SNX29: variants seen among roughly 807,000 people sequenced by gnomAD.
The protein encoded by SNX29 is sorting nexin 29.
SNX29 carries 78 observed loss-of-function variants against 102.1 expected under a neutral mutation model. The ratio of observed to expected loss-of-function variants is 0.76; its 90% CI spans 0.64 to 0.92. SNX29 has a LOEUF of 0.92. Among genes scored for constraint, SNX29 ranks in the 40% least tolerant of loss-of-function variants. The pLI, the probability that SNX29 is intolerant of heterozygous loss-of-function variation, is 0.00. For synonymous variants in SNX29, 580 were observed against 414.5 expected, an observed-to-expected ratio of 1.40 and a Z score of -4.85; for missense variants, 1,280 against 1,061.7, an observed-to-expected ratio of 1.21 and a Z score of -2.86.
rs560386805 is a variant in SNX29, at chr16:12,117,522, G to GA, written c.1403-9109dup. On this transcript the variant is annotated intron_variant, in intron 11 of 20. Coordinates refer to ENST00000566228, the MANE Select transcript of SNX29 (RefSeq NM_032167.5). ...CAGGCAAAAAGACTCTATTAAAAAA[G>GA]AAGACCACATAAGAGATGATTCCGT... Among the ~76,000 whole-genome samples the GA allele has an allele frequency of 5.2e-3, 795 of 152,314 alleles. 9 individuals are homozygous for GA. The highest frequency in any genetic ancestry group is 0.018 in the African/African-American group (759 of 41,552).
chr16:12,314,202 T>C (rs974431326), intron 15 of SNX29, among the ~76,000 whole-genome samples: 1 of 152,222 alleles, frequency 6.6e-6, no homozygotes, highest in Non-Finnish European at 1.5e-5. Flanking sequence ...TCTTTCTGTG[T>C]TGCCCAGGCT....
rs151051986 is a variant in SNX29 at position 12,562,934 on chromosome 16, G to A, written c.2319-5572G>A. Among the ~76,000 whole-genome samples the A allele has an allele frequency of 2.7e-3, 416 of 152,226 alleles. 1 individual carries two copies. The highest frequency in any genetic ancestry group is 9.5e-3 in the African/African-American group (394 of 41,504). ...GATTCGTCCATGTTGCCAAAAACCT[G>A]CATAGTAAGAAGCAAACATTCACCC... On this transcript the variant is annotated intron_variant, in intron 20 of 20. Transcript: ENST00000566228.
At chr16:12,106,537 G>C (rs1357676776) in intron 11 of SNX29, among the ~76,000 whole-genome samples, 1 of 151,990 alleles carries the variant, frequency 6.6e-6, no homozygotes, top group South Asian at 2.1e-4. Context: ...GCAGTGGAAT[G>C]ATGATACCTT....
chr16:12,498,411 ATGCT>A (rs142193235), intron 19 of SNX29, among the ~76,000 whole-genome samples: 3,240 of 152,314 alleles, frequency 0.021, 65 homozygotes, highest in East Asian at 0.054. Flanking sequence ...TAAAAAAAAA[ATGCT>A]TGCTTGGGAA....
chr16:12,468,355 A>G (rs371379774), intron 18 of SNX29, among the ~76,000 whole-genome samples: 64 of 151,904 alleles, frequency 4.2e-4, no homozygotes, highest in African/African-American at 1.5e-3. Flanking sequence ...TTGTATTATT[A>G]GTAGAGACGG....
At chr16:12,164,835 C>A (rs181405245) in intron 13 of SNX29, among the ~76,000 whole-genome samples, 2 of 151,886 alleles carry the variant, frequency 1.3e-5, no homozygotes, top group African/African-American at 4.8e-5. Flanking sequence ...TTACAGGTGC[C>A]CACCACCATG....
At chr16:12,329,310 C>T (rs568346870) in intron 15 of SNX29, among the ~76,000 whole-genome samples, 6 of 135,318 alleles carry the variant, frequency 4.4e-5, no homozygotes, top group Non-Finnish European at 9.7e-5. Context: ...AAAAATACCC[C>T]CAGTAGCTCT....
At chr16:12,321,746 ACAGATGG>A (rs2080938756) in intron 15 of SNX29, among the ~76,000 whole-genome samples, 1 of 152,130 alleles carries the variant, frequency 6.6e-6, no homozygotes, top group Admixed American at 6.5e-5. Context: ...TTGGGCCCAA[ACAGATGG>A]CAGGTGTAAG....
At chr16:12,380,170 A>T (rs1017906388) in intron 16 of SNX29, among the ~76,000 whole-genome samples, 4 of 152,032 alleles carry the variant, frequency 2.6e-5, no homozygotes, top group Non-Finnish European at 5.9e-5. Context: ...CTAAGGGCTG[A>T]TCAGAATGAC....
At chr16:12,432,149 G>A (rs1050287099) in intron 18 of SNX29, among the ~76,000 whole-genome samples, 13 of 152,246 alleles carry the variant, frequency 8.5e-5, no homozygotes, top group Non-Finnish European at 1.3e-4. Context: ...CATTGGGAAG[G>A]CCTTTCTTCA....
chr16:12,245,266 C>A (rs370154833), intron 14 of SNX29, among the ~76,000 whole-genome samples: 26 of 152,220 alleles, frequency 1.7e-4, no homozygotes, highest in African/African-American at 6.3e-4. Flanking sequence ...CCCCCAGTCT[C>A]AGTATTTTCA....
chr16:12,356,826 G>A (rs1597054739), intron 16 of SNX29, among the ~76,000 whole-genome samples: 1 of 152,216 alleles, frequency 6.6e-6, no homozygotes, highest in African/African-American at 2.4e-5. Context: ...GCGTCCCTGG[G>A]TTCCACCCAC....
intron 18 of SNX29, among the ~76,000 whole-genome samples, chr16:12,470,640 G>C (rs2087292808): frequency 1.3e-5 from 2 of 152,152 alleles, no homozygotes; most frequent in African/African-American, 4.8e-5. Flanking sequence ...TGAGTTTTCT[G>C]AAAGCGGAGG....
intron 13 of SNX29, among the ~76,000 whole-genome samples, chr16:12,156,089 T>C (rs1391425478): frequency 2.0e-5 from 3 of 152,158 alleles, no homozygotes; most frequent in African/African-American, 7.2e-5. Context: ...CACATCTCCT[T>C]GAAGCCTTGG....
chr16:12,079,513 TAA>T (rs113424529), intron 11 of SNX29, among the ~76,000 whole-genome samples: 1 of 149,348 alleles, frequency 6.7e-6, no homozygotes, highest in Non-Finnish European at 1.5e-5. Flanking sequence ...TGTTCCCAAT[TAA>T]AAAAAAAAAT....
At chr16:12,458,273 C>T (rs1351498012) in intron 18 of SNX29, among the ~76,000 whole-genome samples, 5 of 152,098 alleles carry the variant, frequency 3.3e-5, no homozygotes, top group African/African-American at 1.2e-4. Flanking sequence ...CCACCATCTG[C>T]TTGGCATTAT....
At chr16:12,482,232 G>A (rs1005368219) in intron 19 of SNX29, among the ~76,000 whole-genome samples, 7 of 152,172 alleles carry the variant, frequency 4.6e-5, no homozygotes, top group East Asian at 1.9e-4. Context: ...TAGACAAGAC[G>A]TGTTTGGGTT....
At chr16:12,086,064 C>T (rs1277008011) in intron 11 of SNX29, among the ~76,000 whole-genome samples, 1 of 140,236 alleles carries the variant, frequency 7.1e-6, no homozygotes, top group African/African-American at 2.7e-5. Flanking sequence ...AGGGCAGTGG[C>T]GTGATCTCGG....
At chr16:12,053,979 T>G (rs1182494564) in intron 8 of SNX29, among the ~76,000 whole-genome samples, 4 of 151,936 alleles carry the variant, frequency 2.6e-5, no homozygotes, top group African/African-American at 7.2e-5. Context: ...TTTTGTTTTT[T>G]TTTTTTGAGA....
Sources: allele counts gnomAD v4.1 joint callset (sites outside exome capture counted in the v4.1 genomes callset), GRCh38; gene constraint gnomAD v4.1.1; transcripts MANE v1.5; gene names NCBI Gene and HGNC (gene_info 2026-07-23, HGNC 2026-07-21).